ABCA4: variants seen among roughly 807,000 people sequenced by gnomAD.
ABCA4 encodes ATP binding cassette subfamily A member 4, also known as retinal-specific phospholipid-transporting ATPase ABCA4.
ABCA4 carries 196 observed loss-of-function variants against 263.7 expected under a neutral mutation model. The ratio of observed to expected loss-of-function variants is 0.74; its 90% confidence interval spans 0.66 to 0.84. ABCA4 has a LOEUF of 0.84. Among genes scored for constraint, ABCA4 ranks in the 40% least tolerant of loss-of-function variants. The pLI is 0.00. For missense variants in ABCA4, 2,792 were observed against 2,855.1 expected, an observed-to-expected ratio of 0.98 and a Z score of 0.50; for synonymous variants, 1,133 against 1,094.2, an observed-to-expected ratio of 1.04 and a Z score of -0.70.
intron 15 of ABCA4, 65 bp downstream of exon 15, chr1:94,056,536 C>T (rs1660981381): frequency 6.5e-7 from 1 of 1,542,268 alleles, no homozygotes; most frequent in African/African-American, 1.4e-5. Context: ...GCTGGGCCTC[C>T]AGGACTGCTA....
intron 6 of ABCA4, among the ~76,000 whole-genome samples, chr1:94,087,268 A>C (rs1661856323): frequency 6.6e-6 from 1 of 152,218 alleles, no homozygotes; most frequent in Non-Finnish European, 1.5e-5. Flanking sequence ...TAAATGTATA[A>C]CATGAAGCAT....
At chr1:94,038,276 G>A (rs1660396757) in intron 24 of ABCA4, among the ~76,000 whole-genome samples, 1 of 152,194 alleles carries the variant, frequency 6.6e-6, no homozygotes, top group Non-Finnish European at 1.5e-5. Context: ...ATGTACAAAT[G>A]TGTATTACTT....
intron 16 of ABCA4, among the ~76,000 whole-genome samples, chr1:94,051,960 A>T (rs1239262714): frequency 1.1e-4 from 16 of 152,206 alleles, no homozygotes; most frequent in Non-Finnish European, 2.4e-4. Flanking sequence ...TTCCAAGAAA[A>T]CGTTTCATGA....
At chr1:94,066,955 A>G (rs1661283392) in intron 11 of ABCA4, among the ~76,000 whole-genome samples, 1 of 152,226 alleles carries the variant, frequency 6.6e-6, no homozygotes, top group South Asian at 2.1e-4. Flanking sequence ...TTAAATTTAA[A>G]TAGCCCTGCG....
rs56026711 is a variant in ABCA4 at position 94,055,328 on chromosome 1, G to A, written c.2383-13C>T. Reference sequence around the variant, plus strand: ...GAGACAGTAAGCTCTGCAGTGAGGCGGAGAGGGCACAGAAAAAGAGCAGTG... The same window carrying A: ...GAGACAGTAAGCTCTGCAGTGAGGCAGAGAGGGCACAGAAAAAGAGCAGTG... On this transcript the variant is annotated splice_polypyrimidine_tract_variant and intron_variant, in intron 15 of 49. Transcript: ENST00000370225. 2.6e-4 allele frequency: 414 copies of A among 1,613,162 alleles called. 2 individuals carry two copies. The highest frequency in any genetic ancestry group is 1.1e-3 in the Middle Eastern group (6 of 5,650).
At chr1:94,018,514 A>G in intron 36 of ABCA4, 1 of 454,324 alleles carries the variant, frequency 2.2e-6, no homozygotes, top group South Asian at 1.6e-5. Context: ...TTGTTAAGTG[A>G]TAGCTGCTTA....
chr1:94,075,900 T>C (rs1661526199), intron 11 of ABCA4, among the ~76,000 whole-genome samples: 1 of 150,958 alleles, frequency 6.6e-6, no homozygotes, highest in Admixed American at 6.6e-5. Flanking sequence ...CCAACTCTAA[T>C]CTATCTGGGA....
chr1:94,085,829 C>A (rs1661812220), intron 6 of ABCA4, among the ~76,000 whole-genome samples: 1 of 152,206 alleles, frequency 6.6e-6, no homozygotes, highest in South Asian at 2.1e-4. Context: ...CTATTCCCCC[C>A]CATTCCTTCT....
intron 43 of ABCA4, among the ~76,000 whole-genome samples, chr1:94,006,043 C>T (rs1256598661): frequency 1.3e-5 from 2 of 152,142 alleles, no homozygotes; most frequent in Non-Finnish European, 2.9e-5. Flanking sequence ...CTACCCACAG[C>T]GAGAGGCCTG....
chr1:94,010,644 C>T (rs758903787), intron 40 of ABCA4, 156 bp downstream of exon 40: 1 of 1,073,688 alleles, frequency 9.3e-7, no homozygotes, highest in Admixed American at 2.0e-5. Flanking sequence ...TTAACCCGAT[C>T]CTCTACTTGT....
intron 11 of ABCA4, among the ~76,000 whole-genome samples, chr1:94,064,363 G>A (rs1040802786): frequency 1.3e-4 from 20 of 152,200 alleles, no homozygotes; most frequent in African/African-American, 4.8e-4. Flanking sequence ...GAAGCCCAGC[G>A]GAGGGACGCA....
At chr1:94,065,292 AG>A (rs1174451052) in intron 11 of ABCA4, among the ~76,000 whole-genome samples, 6 of 152,164 alleles carry the variant, frequency 3.9e-5, no homozygotes, top group Non-Finnish European at 4.4e-5. Context: ...CCCGGAACTT[AG>A]GTTCAACGAG....
At chr1:94,109,702 C>G (rs1662548572) in intron 3 of ABCA4, among the ~76,000 whole-genome samples, 1 of 152,216 alleles carries the variant, frequency 6.6e-6, no homozygotes, top group African/African-American at 2.4e-5. Context: ...CAGCTCCTGA[C>G]AGCTCTCCAG....
intron 44 of ABCA4, among the ~76,000 whole-genome samples, chr1:94,003,607 C>T (rs1415480096): frequency 6.6e-6 from 1 of 152,070 alleles, no homozygotes; most frequent in Non-Finnish European, 1.5e-5. Context: ...GCAATCTGTA[C>T]AGAGTTACTT....
At chr1:94,033,009 G>A (rs1660246328) in intron 26 of ABCA4, among the ~76,000 whole-genome samples, 3 of 152,198 alleles carry the variant, frequency 2.0e-5, no homozygotes, top group Non-Finnish European at 4.4e-5. Flanking sequence ...ACTGAGAAGT[G>A]GTAGAAAAAG....
chr1:94,063,665 G>T (rs1231548944), intron 11 of ABCA4, among the ~76,000 whole-genome samples: 1 of 152,192 alleles, frequency 6.6e-6, no homozygotes, highest in Non-Finnish European at 1.5e-5. Context: ...AGGGAGTGGG[G>T]TCACACTGGC....
intron 48 of ABCA4, 109 bp from the exon 49 acceptor site, chr1:93,996,304 C>A: frequency 1.2e-6 from 1 of 864,742 alleles, no homozygotes; most frequent in Non-Finnish European, 1.9e-6. Context: ...TACAGCCCTG[C>A]TGGTATGGCT....
At chr1:94,073,134 T>C (rs1251388276) in intron 11 of ABCA4, among the ~76,000 whole-genome samples, 2 of 152,050 alleles carry the variant, frequency 1.3e-5, no homozygotes, top group Non-Finnish European at 2.9e-5. Context: ...GATTTTCAAG[T>C]CTCCTCCAGA....
At chr1:94,075,795 G>A (rs900801150) in intron 11 of ABCA4, among the ~76,000 whole-genome samples, 2 of 152,208 alleles carry the variant, frequency 1.3e-5, no homozygotes, top group African/African-American at 4.8e-5. Context: ...TTTACTGGGA[G>A]TATGAGGTTG....
Sources: gnomAD v4.1 joint callset for allele counts (sites outside exome capture counted in the v4.1 genomes callset) on GRCh38, gnomAD v4.1.1 for gene constraint, MANE v1.5 for transcripts, NCBI Gene and HGNC (gene_info 2026-07-23, HGNC 2026-07-21) for gene names.